The following ANKRD44 variants were observed in gnomAD, a reference collection of about 807,000 sequenced individuals.
ANKRD44 encodes serine/threonine-protein phosphatase 6 regulatory ankyrin repeat subunit B.
A neutral mutation model predicts 116.0 loss-of-function variants in ANKRD44; 35 were observed. The ratio of observed to expected loss-of-function variants is 0.30; its 90% CI spans 0.23 to 0.40. The LOEUF is 0.40. Ranked by LOEUF, ANKRD44 falls within the 10% of genes least tolerant of loss-of-function variation. The probability of loss-of-function intolerance (pLI) is 1.00; values close to 1 mark genes in which losing one functional copy is unlikely to be tolerated. For synonymous variants in ANKRD44, 435 were observed against 461.8 expected (o/e 0.94, Z 0.74); for missense variants, 1,014 against 1,242.6 (o/e 0.82, Z 2.77).
intron 8 of ANKRD44, among the ~76,000 whole-genome samples, chr2:197,119,106 T>C (rs1333247968): frequency 6.6e-6 from 1 of 152,200 alleles, no homozygotes; most frequent in African/African-American, 2.4e-5. Context: ...AAATTTTCCC[T>C]AAGTTGCTCT....
intron 13 of ANKRD44, among the ~76,000 whole-genome samples, chr2:197,086,322 G>A (rs2077922131): frequency 6.6e-6 from 1 of 151,992 alleles, no homozygotes; most frequent in Non-Finnish European, 1.5e-5. Context: ...AAGATGAAAT[G>A]TTCAATACAT....
intron 1 of ANKRD44, among the ~76,000 whole-genome samples, chr2:197,239,701 T>G (rs1322294507): frequency 2.0e-5 from 3 of 152,222 alleles, no homozygotes; most frequent in South Asian, 2.1e-4. Flanking sequence ...CTTGATAAAT[T>G]TTTGCAACAT....
chr2:197,068,240 T>G, intron 16 of ANKRD44, among the ~76,000 whole-genome samples: 1 of 121,918 alleles, frequency 8.2e-6, no homozygotes, highest in East Asian at 2.6e-4. Context: ...AGGGATAGCA[T>G]TGGGAGATAT....
At chr2:197,123,023 C>A (rs2078893992) in intron 6 of ANKRD44, among the ~76,000 whole-genome samples, 2 of 152,162 alleles carry the variant, frequency 1.3e-5, no homozygotes, top group Non-Finnish European at 1.5e-5. Context: ...TGTGAGCCTT[C>A]TCTTCAAGGA....
At chr2:197,221,856 C>A (rs1401167047) in intron 1 of ANKRD44, among the ~76,000 whole-genome samples, 1 of 152,174 alleles carries the variant, frequency 6.6e-6, no homozygotes, top group Non-Finnish European at 1.5e-5. Context: ...AGAGAGGCAA[C>A]CTGGAGTCAC....
intron 3 of ANKRD44, among the ~76,000 whole-genome samples, chr2:197,141,981 G>A (rs1053328401): frequency 6.6e-6 from 1 of 152,220 alleles, no homozygotes; most frequent in Non-Finnish European, 1.5e-5. Flanking sequence ...GTGCACTGAA[G>A]GACACAGTCT....
chr2:197,110,865 G>A, intron 8 of ANKRD44, 21 bp from the exon 9 acceptor site: 1 of 1,593,550 alleles, frequency 6.3e-7, no homozygotes. Flanking sequence ...GAGAGGGAGA[G>A]AAAAACAATG....
In ANKRD44 at chr2:197,136,637, G is replaced by A. The variant is rs1481784889; in HGVS notation, c.216C>T (p.Asn72=). The A allele has an allele frequency of 1.2e-6, 2 of 1,614,192 alleles. No homozygotes were observed. Among genetic ancestry groups the A allele is most frequent in the South Asian group, 2.2e-5 (2 of 91,080 alleles). ...LSGARVNAKD[N]MWLTPLHRAV... Reference sequence around the variant, plus strand: ...CCCGGTGCAGTGGAGTCAGCCACATGTTGTCCTTGGCATTTACACGAGCTC... The same window carrying A: ...CCCGGTGCAGTGGAGTCAGCCACATATTGTCCTTGGCATTTACACGAGCTC... The change falls in exon 4 of 28, where the codon AAC becomes AAT. Residue 72 remains asparagine, a synonymous_variant. Transcript: ENST00000282272.
In ANKRD44 at chr2:197,043,763, G is replaced by T. The variant is rs563567636; in HGVS notation, c.1651-18496C>A. ...AGCATGGTTGTCAAAACTGGACCCT[G>T]GTTTTTTTTTTCCCTTTCAGGACAC... is the stretch of plus-strand genomic sequence containing the variant. On this transcript the variant is annotated intron_variant, in intron 16 of 27. Coordinates refer to ENST00000282272, the MANE Select transcript of ANKRD44 (RefSeq NM_001195144.2). Among the ~76,000 whole-genome samples, 14 of 151,882 alleles carry T rather than the reference G, an allele frequency of 9.2e-5. No individual in the cohort carries two copies. The South Asian group carries it at 2.9e-3, about 32-fold the overall frequency.
At chr2:197,099,266 C>T (rs535698898) in intron 10 of ANKRD44, among the ~76,000 whole-genome samples, 1 of 152,128 alleles carries the variant, frequency 6.6e-6, no homozygotes, top group South Asian at 2.1e-4. Context: ...TTAAGTGGGT[C>T]TTGGGCCCTG....
intron 15 of ANKRD44, among the ~76,000 whole-genome samples, chr2:197,080,289 A>G (rs1387569412): frequency 2.0e-5 from 3 of 152,220 alleles, no homozygotes; most frequent in Non-Finnish European, 4.4e-5. Flanking sequence ...TTGTAAGGAA[A>G]ACATGCATTC....
intron 17 of ANKRD44, among the ~76,000 whole-genome samples, chr2:197,016,912 T>C (rs565960811): frequency 2.2e-4 from 34 of 152,156 alleles, no homozygotes; most frequent in Middle Eastern, 3.4e-3. Flanking sequence ...TAAAGAACTC[T>C]TGGAAACCAT....
At chr2:197,121,969 G>A (rs1272777078) in intron 7 of ANKRD44, among the ~76,000 whole-genome samples, 1 of 152,112 alleles carries the variant, frequency 6.6e-6, no homozygotes, top group African/African-American at 2.4e-5. Flanking sequence ...AGGGGAGGTG[G>A]CTGTGGAGTC....
At chr2:197,296,278 C>G (rs1259179993) in intron 1 of ANKRD44, 1 of 152,166 alleles carries the variant, frequency 6.6e-6, no homozygotes, top group African/African-American at 2.4e-5. Context: ...ATATCAGCCA[C>G]TAGGACCTTT....
At chr2:196,995,175 C>T (rs116488873) in intron 26 of ANKRD44, 5 of 355,380 alleles carry the variant, frequency 1.4e-5, no homozygotes, top group Non-Finnish European at 2.5e-5. Flanking sequence ...GAAGACATAT[C>T]AAAAGAAGGA....
chr2:197,184,303 A>G (rs958174444), intron 2 of ANKRD44, among the ~76,000 whole-genome samples: 7 of 152,182 alleles, frequency 4.6e-5, no homozygotes, highest in African/African-American at 1.7e-4. Flanking sequence ...TCCATGGAAT[A>G]TAAGTGGAAG....
At chr2:197,148,152 G>A (rs1047326685) in intron 2 of ANKRD44, among the ~76,000 whole-genome samples, 4 of 152,146 alleles carry the variant, frequency 2.6e-5, no homozygotes, top group African/African-American at 7.2e-5. Flanking sequence ...TAAAGCCCTA[G>A]GCAAGCAGGA....
rs146530074 is a variant in ANKRD44 at position 197,248,604 on chromosome 2, TGA to T, written c.28-61500_28-61499del. On this transcript the variant is annotated intron_variant, in intron 1 of 27. Coordinates refer to ENST00000282272, the MANE Select transcript of ANKRD44 (RefSeq NM_001195144.2). ...TATATATATATATAAAGAGAGAGAT[TGA>T]GAGAGAGAGGAGAAAGACATAGAGA... Among the ~76,000 whole-genome samples, 1,302 of 143,082 alleles carry T rather than the reference TGA, an allele frequency of 9.1e-3. 19 individuals are homozygous for T. The highest frequency in any genetic ancestry group is 0.035 in the African/African-American group (1,242 of 35,698). The allele number at this position is 143,082 out of a possible 152,430, so 93.9% of individuals were successfully genotyped here. A position where few individuals can be genotyped will look rare whatever the true frequency, so the allele number is the denominator to read the frequency against.
At position 196,993,633 on chromosome 2, in the gene ANKRD44, A is replaced by G. The variant is rs1455583897; in HGVS notation, c.2873T>C (p.Val958Ala). The G allele has an allele frequency of 6.4e-7, 1 of 1,551,094 alleles. No individual in the cohort carries two copies. The highest frequency in any genetic ancestry group is 2.4e-5 in the East Asian group (1 of 40,924). ...VAARNGLKVV[V>A]EELLAKGACV... Reference sequence around the variant, plus strand: ...GGCCCCTTTGGCCAGCAACTCCTCAACTACCACCTTTAAGCCATTGCGCGC... The same window carrying G: ...GGCCCCTTTGGCCAGCAACTCCTCAGCTACCACCTTTAAGCCATTGCGCGC... The change falls in exon 27 of 28, where the codon GTT becomes GCT. Residue 958 changes from valine (V) to alanine (A), a missense_variant. Transcript: ENST00000282272.
Sources: gnomAD v4.1 joint callset for allele counts (sites outside exome capture counted in the v4.1 genomes callset) on GRCh38, gnomAD v4.1.1 for gene constraint, MANE v1.5 for transcripts, NCBI Gene and HGNC (gene_info 2026-07-23, HGNC 2026-07-21) for gene names.